Variants in MSRA observed in about 807,000 individuals in gnomAD.
The protein encoded by MSRA is methionine sulfoxide reductase A.
MSRA carries 54 observed loss-of-function variants against 31.3 expected under a neutral mutation model. The observed-to-expected ratio is 1.73, with a 90% CI of 1.39 to 2.17. MSRA has a LOEUF of 2.17. Ranked by LOEUF, MSRA falls within the 30% of genes most tolerant of loss-of-function variation. MSRA has a pLI of 0.00. For missense variants in MSRA, 507 were observed against 300.9 expected, an observed-to-expected ratio of 1.69 and a Z score of -5.07; for synonymous variants, 169 against 116.5, an observed-to-expected ratio of 1.45 and a Z score of -2.90.
intron 5 of MSRA, among the ~76,000 whole-genome samples, chr8:10,335,261 T>G (rs1407224877): frequency 1.4e-5 from 2 of 148,048 alleles, no homozygotes; most frequent in Non-Finnish European, 3.0e-5. Flanking sequence ...TTTTTTTTTT[T>G]TTTTTTTTTT....
At chr8:10,262,332 G>A (rs1466666670) in intron 3 of MSRA, among the ~76,000 whole-genome samples, 1 of 152,172 alleles carries the variant, frequency 6.6e-6, no homozygotes, top group Non-Finnish European at 1.5e-5. Context: ...GTACCATTTT[G>A]CTACCAGCAG....
intron 3 of MSRA, among the ~76,000 whole-genome samples, chr8:10,278,603 T>G (rs1447575359): frequency 6.6e-6 from 1 of 152,184 alleles, no homozygotes; most frequent in Non-Finnish European, 1.5e-5. Context: ...ATGGTGCACC[T>G]CACGTCTGCT....
chr8:10,078,494 T>C (rs952197278), intron 1 of MSRA, among the ~76,000 whole-genome samples: 1 of 152,252 alleles, frequency 6.6e-6, no homozygotes, highest in African/African-American at 2.4e-5. Context: ...CAGGCACCAG[T>C]GACCCCTGGG....
At chr8:10,147,937 G>A (rs1050923679) in intron 1 of MSRA, among the ~76,000 whole-genome samples, 1 of 152,168 alleles carries the variant, frequency 6.6e-6, no homozygotes, top group Non-Finnish European at 1.5e-5. Flanking sequence ...GCGGGAAAAC[G>A]ACTTTAGAGG....
At chr8:10,237,065 G>T (rs916362721) in intron 2 of MSRA, among the ~76,000 whole-genome samples, 5 of 152,212 alleles carry the variant, frequency 3.3e-5, no homozygotes, top group African/African-American at 9.6e-5. Context: ...AATAAAATAT[G>T]AGTTATTCAC....
intron 2 of MSRA, among the ~76,000 whole-genome samples, chr8:10,238,694 T>G (rs1417799766): frequency 1.3e-5 from 2 of 152,178 alleles, no homozygotes; most frequent in African/African-American, 4.8e-5. Context: ...TTATTTGGGA[T>G]TCTTGGTTAT....
chr8:10,086,348 A>C (rs1176694926), intron 1 of MSRA, among the ~76,000 whole-genome samples: 2 of 152,236 alleles, frequency 1.3e-5, no homozygotes, highest in African/African-American at 2.4e-5. Context: ...GAAAAAGTCA[A>C]GAATTCTGGT....
At chr8:10,362,151 A>G (rs1804887112) in intron 5 of MSRA, among the ~76,000 whole-genome samples, 1 of 152,170 alleles carries the variant, frequency 6.6e-6, no homozygotes, top group Admixed American at 6.5e-5. Flanking sequence ...TCCTCCTTGT[A>G]AAATGGATAT....
intron 2 of MSRA, among the ~76,000 whole-genome samples, chr8:10,209,737 A>C (rs1436280284): frequency 6.6e-6 from 1 of 152,104 alleles, no homozygotes; most frequent in Non-Finnish European, 1.5e-5. Context: ...CTTGGCCTTT[A>C]CCTCTTACGC....
chr8:10,269,732 G>A lies in MSRA; in HGVS notation c.331+24509G>A, dbSNP rs565968056. Among the ~76,000 whole-genome samples the A allele has an allele frequency of 9.2e-5, 14 of 152,240 alleles. 1 individual carries two copies. The South Asian group carries it at 2.5e-3, about 27-fold the overall frequency. ...GTGACTTGATCTCGGCTCACTGCAA[G>A]CTCCACCTCCCGGGGTTCACGCCAT... On this transcript the variant is annotated intron_variant, in intron 3 of 5. Transcript: ENST00000317173.
intron 5 of MSRA, among the ~76,000 whole-genome samples, chr8:10,398,285 G>A (rs1157274247): frequency 2.6e-5 from 4 of 152,186 alleles, no homozygotes; most frequent in African/African-American, 7.2e-5. Flanking sequence ...ATTTGGGGGA[G>A]CTTCTCTTCA....
intron 3 of MSRA, among the ~76,000 whole-genome samples, chr8:10,251,182 C>T (rs550697501): frequency 6.6e-6 from 1 of 151,704 alleles, no homozygotes; most frequent in Admixed American, 6.6e-5. Flanking sequence ...AATAATTTCC[C>T]CACTAATGTA....
At chr8:10,211,358 G>T (rs1809477148) in intron 2 of MSRA, among the ~76,000 whole-genome samples, 1 of 152,078 alleles carries the variant, frequency 6.6e-6, no homozygotes, top group African/African-American at 2.4e-5. Context: ...TTTCTCTCTG[G>T]TTTTTCTGCC....
chr8:10,253,141 T>C (rs1392608062), intron 3 of MSRA, among the ~76,000 whole-genome samples: 2 of 152,220 alleles, frequency 1.3e-5, no homozygotes, highest in African/African-American at 4.8e-5. Flanking sequence ...ACAATCCTGC[T>C]GTCCTCGAAT....
chr8:10,311,931 G>T (rs1801456410), intron 4 of MSRA, among the ~76,000 whole-genome samples: 1 of 152,116 alleles, frequency 6.6e-6, no homozygotes, highest in African/African-American at 2.4e-5. Context: ...AAACAAATCT[G>T]AATATCCTAG....
At chr8:10,353,426 G>A (rs1399843055) in intron 5 of MSRA, among the ~76,000 whole-genome samples, 2 of 152,160 alleles carry the variant, frequency 1.3e-5, no homozygotes. Context: ...GGAGGGTCTG[G>A]GAGTCTCCTT....
intron 5 of MSRA, among the ~76,000 whole-genome samples, chr8:10,362,074 A>C (rs1423200156): frequency 6.6e-6 from 1 of 152,178 alleles, no homozygotes; most frequent in Non-Finnish European, 1.5e-5. Flanking sequence ...CCGGGTTCCC[A>C]TTCCAACTTT....
intron 5 of MSRA, among the ~76,000 whole-genome samples, chr8:10,354,868 T>A (rs566318764): frequency 8.5e-4 from 129 of 152,100 alleles, no homozygotes; most frequent in African/African-American, 3.0e-3. Context: ...GCTTTAGTGT[T>A]GTTTGACATT....
chr8:10,398,905 C>T (rs1807269600), intron 5 of MSRA, among the ~76,000 whole-genome samples: 2 of 152,184 alleles, frequency 1.3e-5, no homozygotes, highest in South Asian at 2.1e-4. Flanking sequence ...TGCATTGAGC[C>T]TCTCCCAGCT....
Sources: gnomAD v4.1 joint callset for allele counts (sites outside exome capture counted in the v4.1 genomes callset) on GRCh38, gnomAD v4.1.1 for gene constraint, MANE v1.5 for transcripts, NCBI Gene and HGNC (gene_info 2026-07-23, HGNC 2026-07-21) for gene names.